Variants in TMEM273 observed in about 807,000 individuals in gnomAD.
The protein encoded by TMEM273 is transmembrane protein 273, also known as chromosome 10 open reading frame 128.
Under a neutral mutation model 17.9 loss-of-function variants are expected in TMEM273, and 19 were observed. That is an observed-to-expected ratio of 1.06 (90% CI 0.74 to 1.55). The LOEUF (loss-of-function observed/expected upper bound fraction) is 1.55. Among genes scored for constraint, TMEM273 ranks in the 40% most tolerant of loss-of-function variants. The probability of loss-of-function intolerance (pLI) is 0.00; values close to 1 mark genes in which losing one functional copy is unlikely to be tolerated. For synonymous variants in TMEM273, 66 were observed against 62.0 expected, an observed-to-expected ratio of 1.07 and a Z score of -0.31; for missense variants, 194 against 155.6, an observed-to-expected ratio of 1.25 and a Z score of -1.31.
rs1163190230 is a variant in TMEM273 at position 49,166,910 on chromosome 10, T to C, written c.197A>G (p.Asp66Gly). Reference protein sequence around the residue: ...ICMIRRHLFDDDSSDLKSTPG... With the variant: ...ICMIRRHLFDGDSSDLKSTPG... Reference sequence around the variant, plus strand: ...CGTGCTTTTCAGGTCGGAAGAGTCGTCGTCAAATAAGTGCCTCCTGATCAT... The same window carrying C: ...CGTGCTTTTCAGGTCGGAAGAGTCGCCGTCAAATAAGTGCCTCCTGATCAT... Residue 66 changes from aspartate (D) to glycine (G), a missense_variant, in exon 3 of 7, where the codon GAC (aspartate) becomes GGC (glycine). Asp to Gly is a moderately conservative substitution (Grantham distance 94). Transcript: ENST00000374153. 2.5e-6 allele frequency: 4 copies of C among 1,613,788 alleles called. No individual in the cohort carries two copies. Among genetic ancestry groups the C allele is most frequent in the African/African-American group, 1.3e-5 (1 of 74,824 alleles).
rs189373512 is a variant in TMEM273 at position 49,188,187 on chromosome 10, G to C, written c.43+107C>G. 2.6e-5 allele frequency: 32 copies of C among 1,238,838 alleles called. 1 individual carries two copies. The highest frequency in any genetic ancestry group is 3.7e-5 in the Non-Finnish European group (32 of 854,538). The allele number at this position is 1,238,838 out of a possible 1,614,324, so 76.7% of individuals were successfully genotyped here. On this transcript the variant is annotated intron_variant, in intron 1 of 6. Coordinates refer to ENST00000374153, the MANE Select transcript of TMEM273 (RefSeq NM_001288740.3). Reference sequence around the variant, plus strand: ...AAGTGAGAAACATCATCTGTGTAAAGGGACAGAGTTATGTTTTAGGGATCA... The same window carrying C: ...AAGTGAGAAACATCATCTGTGTAAACGGACAGAGTTATGTTTTAGGGATCA...
At chr10:49,163,122 C>A (rs1275015363) in intron 5 of TMEM273, among the ~76,000 whole-genome samples, 1 of 152,142 alleles carries the variant, frequency 6.6e-6, no homozygotes, top group Non-Finnish European at 1.5e-5. Flanking sequence ...GGGGCAAAGG[C>A]CTCTTAGGGC....
intron 5 of TMEM273, among the ~76,000 whole-genome samples, chr10:49,163,969 G>A (rs181232852): frequency 6.6e-6 from 1 of 152,150 alleles, no homozygotes; most frequent in Non-Finnish European, 1.5e-5. Context: ...TAATCCATCC[G>A]CTCCTTCAAT....
chr10:49,161,362 C>T (rs1845829782), intron 6 of TMEM273: 1 of 591,138 alleles, frequency 1.7e-6, no homozygotes, highest in Admixed American at 3.0e-5. Context: ...TTTCTCAGCT[C>T]TAACTGGGCA....
intron 6 of TMEM273, among the ~76,000 whole-genome samples, chr10:49,159,059 G>A (rs1007367128): frequency 1.3e-5 from 2 of 152,146 alleles, no homozygotes; most frequent in African/African-American, 4.8e-5. Context: ...GCAGTAGGTA[G>A]GAACACGGTA....
rs907996538 is a variant in TMEM273 at position 49,165,287 on chromosome 10, G to C, written c.270-4C>G. 1.9e-6 allele frequency: 3 copies of C among 1,550,448 alleles called. No homozygotes were observed. In the African/African-American group the frequency reaches 4.1e-5, roughly 21 times the overall value. On this transcript the variant is annotated splice_polypyrimidine_tract_variant and splice_region_variant and intron_variant, in intron 4 of 6. Transcript: ENST00000374153. Reference sequence around the variant, plus strand: ...GAGGGTCGAGGCTTGCAGCTTTCTGGCAAAGAGCATTCCAATTACAGAAAA... The same window carrying C: ...GAGGGTCGAGGCTTGCAGCTTTCTGCCAAAGAGCATTCCAATTACAGAAAA...
At chr10:49,171,924 C>T (rs1846598962) in intron 1 of TMEM273, among the ~76,000 whole-genome samples, 1 of 152,238 alleles carries the variant, frequency 6.6e-6, no homozygotes, top group Non-Finnish European at 1.5e-5. Context: ...GACTGGCACT[C>T]TTTGCCACCC....
chr10:49,169,351 G>C (rs937721291), intron 1 of TMEM273, among the ~76,000 whole-genome samples: 1 of 152,228 alleles, frequency 6.6e-6, no homozygotes, highest in South Asian at 2.1e-4. Flanking sequence ...AACCCTGTCT[G>C]CTGACCACAC....
At chr10:49,183,896 G>A (rs1054919704) in intron 1 of TMEM273, among the ~76,000 whole-genome samples, 7 of 151,756 alleles carry the variant, frequency 4.6e-5, no homozygotes, top group Non-Finnish European at 1.5e-5. Context: ...AGCAACAACA[G>A]TGACAAGCAG....
chr10:49,181,450 A>G (rs1847336500), intron 1 of TMEM273, among the ~76,000 whole-genome samples: 1 of 152,154 alleles, frequency 6.6e-6, no homozygotes, highest in Non-Finnish European at 1.5e-5. Flanking sequence ...AAATCACTCT[A>G]CTCCCTTGAG....
intron 5 of TMEM273, among the ~76,000 whole-genome samples, chr10:49,162,007 A>G (rs932616765): frequency 6.6e-6 from 1 of 152,140 alleles, no homozygotes; most frequent in Middle Eastern, 3.4e-3. Flanking sequence ...ATGTTTTCTC[A>G]TGAACTTCGC....
rs535276128 is a variant in TMEM273, at chr10:49,157,710, C to T, written c.373-1801G>A. Among the ~76,000 whole-genome samples the T allele has an allele frequency of 1.2e-4, 18 of 152,334 alleles. No homozygotes were observed. The East Asian group carries it at 3.5e-3, about 29-fold the overall frequency. On this transcript the variant is annotated intron_variant, in intron 6 of 6. Transcript: ENST00000374153. ...TCCTTAACATGATAAGATATGTGTGCTTCAGCCCTAGAGCCAGCATGTTAC... is the reference window on the plus strand; with the variant it reads ...TCCTTAACATGATAAGATATGTGTGTTTCAGCCCTAGAGCCAGCATGTTAC...
chr10:49,186,002 AGAG>A (rs1414651609), intron 1 of TMEM273, among the ~76,000 whole-genome samples: 43 of 145,846 alleles, frequency 2.9e-4, no homozygotes, highest in South Asian at 1.1e-3. Context: ...AGGAGGAGGA[AGAG>A]GAGGAGGAGG....
rs1663194863 is a variant in TMEM273 at position 49,155,560 on chromosome 10, A to G, written c.*332T>C. The G allele has an allele frequency of 2.6e-6, 1 of 386,150 alleles. No individual in the cohort carries two copies. Among genetic ancestry groups the G allele is most frequent in the Non-Finnish European group, 4.7e-6 (1 of 213,630 alleles). 23.9% of individuals were successfully genotyped at this position (386,150 alleles called of 1,614,324 possible). Reference sequence around the variant, plus strand: ...CTTTTCATGAGCCATTTTCTGTGGTAGGTTCCACGGACATGGACACCATGG... The same window carrying G: ...CTTTTCATGAGCCATTTTCTGTGGTGGGTTCCACGGACATGGACACCATGG... On this transcript the variant is annotated 3_prime_UTR_variant, in exon 7 of 7. Transcript: ENST00000374153.
chr10:49,186,068 G>GGAAGAAGAAGTAGAA (rs1847668933), intron 1 of TMEM273, among the ~76,000 whole-genome samples: 1 of 67,090 alleles, frequency 1.5e-5, no homozygotes, highest in African/African-American at 5.1e-5. Flanking sequence ...AAGAAGAAGA[G>GGAAGAAGAAGTAGAA]GAAGAAGAAG....
chr10:49,167,676 C>T (rs774430391), intron 2 of TMEM273, among the ~76,000 whole-genome samples: 8 of 152,220 alleles, frequency 5.3e-5, no homozygotes, highest in South Asian at 2.1e-4. Flanking sequence ...GCTGGAGCCA[C>T]GCATCTGTGG....
chr10:49,176,946 C>T lies in TMEM273; in HGVS notation c.44-8984G>A, dbSNP rs777936440. ...TATTTAAGTTATAGATCAAGCCCCA[C>T]GCATGGTCCAGCCGAAGTCCCCCTG... On this transcript the variant is annotated intron_variant, in intron 1 of 6. Transcript: ENST00000374153. 7.2e-5 allele frequency among the ~76,000 whole-genome samples: 11 copies of T among 152,342 alleles called. No homozygotes were observed. The South Asian group carries it at 8.3e-4, about 11-fold the overall frequency.
chr10:49,170,869 G>GGACCCCCTGGGCCATA (rs1310149981), intron 1 of TMEM273, among the ~76,000 whole-genome samples: 39 of 152,342 alleles, frequency 2.6e-4, no homozygotes, highest in African/African-American at 9.4e-4. Flanking sequence ...GAGCTGGGGA[G>GGACCCCCTGGGCCATA]GACCCCCTGG....
chr10:49,168,425 C>T (rs761816461), intron 1 of TMEM273, among the ~76,000 whole-genome samples: 22 of 152,176 alleles, frequency 1.4e-4, no homozygotes, highest in Non-Finnish European at 2.8e-4. Flanking sequence ...CCTGGGTGAG[C>T]TGATCCCAGT....
Sources: allele counts gnomAD v4.1 joint callset (sites outside exome capture counted in the v4.1 genomes callset), GRCh38; gene constraint gnomAD v4.1.1; transcripts MANE v1.5; gene names NCBI Gene and HGNC (gene_info 2026-07-23, HGNC 2026-07-21).